ZFR2: variants seen among roughly 807,000 people sequenced by gnomAD.
ZFR2 encodes the protein zinc finger RNA-binding protein 2.
In ZFR2, 104 loss-of-function variants were observed where a neutral mutation model predicts 105.7. The ratio of observed to expected loss-of-function variants is 0.98; its 90% CI spans 0.84 to 1.16. The LOEUF is 1.16. ZFR2 is among the 50% of genes most tolerant of loss of function. ZFR2 has a pLI of 0.00. For missense variants in ZFR2, 1,425 were observed against 1,355.5 expected, an observed-to-expected ratio of 1.05 and a Z score of -0.80; for synonymous variants, 634 against 597.7, an observed-to-expected ratio of 1.06 and a Z score of -0.89.
Position 3,817,253 on chromosome 19 carries a change from G to A in ZFR2, c.1932-408C>T, listed in dbSNP as rs112737474. Among the ~76,000 whole-genome samples the A allele has an allele frequency of 3.7e-3, 557 of 152,040 alleles. 7 individuals are homozygous for A. The highest frequency in any genetic ancestry group is 0.013 in the African/African-American group (534 of 41,454). The stretch of plus-strand genomic sequence containing the variant: ...GCTGCTTTCTGCTCTTGCTTCACGG[G>A]GGTTAAGAAAATTCACAAACCTAGG... On this transcript the variant is annotated intron_variant, in intron 12 of 18. Transcript: ENST00000262961.
rs757197663 is a variant in ZFR2, at chr19:3,834,786, A to G, written c.251T>C (p.Met84Thr). The change falls in exon 2 of 19, where the codon ATG becomes ACG. Residue 84 changes from methionine (M) to threonine (T), a missense_variant. Physicochemically the swap from Met to Thr is moderately conservative, Grantham distance 81. Transcript: ENST00000262961. This position sits in a 1 kb window ranked among gnomAD's most constrained non-coding sequence, Gnocchi z 5.3. The stretch of plus-strand genomic sequence containing the variant: ...AGGACTGGATACCTGGTAGGTAGCC[A>G]TGGTGGTGGCCGTGGGGACGGGCTC... ...PQEPVPTATT[M>T]ATYQDSYSYG... 1.9e-6 allele frequency: 3 copies of G among 1,612,162 alleles called. No homozygotes were observed. In the South Asian group the frequency reaches 3.3e-5, roughly 18 times the overall value.
intron 6 of ZFR2, 149 bp from the exon 7 acceptor site, chr19:3,825,556 C>T: frequency 9.3e-7 from 1 of 1,073,172 alleles, no homozygotes; most frequent in East Asian, 2.8e-5. Context: ...CTCCTGCTCT[C>T]TGGATAACAC....
intron 11 of ZFR2, 28 bp downstream of exon 11, chr19:3,820,154 G>A (rs1029210667): frequency 5.2e-6 from 8 of 1,548,942 alleles, no homozygotes; most frequent in African/African-American, 2.7e-5. Flanking sequence ...GGTCGCCCGC[G>A]TTTGCACACA....
chr19:3,831,152 C>T (rs950685207), intron 5 of ZFR2, 151 bp downstream of exon 5: 10 of 1,155,236 alleles, frequency 8.7e-6, no homozygotes, highest in African/African-American at 7.8e-5. Context: ...AGCGCTTGCA[C>T]ACACAGGCCA....
At chr19:3,857,928 T>C (rs182117095) in intron 1 of ZFR2, among the ~76,000 whole-genome samples, 126 of 152,190 alleles carry the variant, frequency 8.3e-4, no homozygotes, top group Non-Finnish European at 1.2e-3. Context: ...GAGCCCAGGC[T>C]AACATGGACT....
chr19:3,839,758 A>G (rs2038117262), intron 1 of ZFR2, among the ~76,000 whole-genome samples: 2 of 152,010 alleles, frequency 1.3e-5, no homozygotes, highest in South Asian at 2.1e-4. Context: ...TTGAAGCACC[A>G]CCTGGATCCT....
chr19:3,830,697 T>C (rs2038002512), intron 5 of ZFR2, among the ~76,000 whole-genome samples: 1 of 152,090 alleles, frequency 6.6e-6, no homozygotes. Flanking sequence ...AGAGCTTCCT[T>C]TCAGAGTATT....
intron 1 of ZFR2, 54 bp downstream of exon 1, chr19:3,868,911 C>G (rs1360830857): frequency 1.6e-6 from 2 of 1,238,190 alleles, no homozygotes; most frequent in Non-Finnish European, 1.0e-6. Context: ...GGCGGGGTCC[C>G]GGCCAGGCTG....
chr19:3,809,438 G>A (rs1347948122), intron 16 of ZFR2, among the ~76,000 whole-genome samples: 6 of 152,084 alleles, frequency 3.9e-5, no homozygotes, highest in African/African-American at 1.4e-4. Flanking sequence ...ATCCCACCAC[G>A]TCCCCCCTGT....
intron 5 of ZFR2, among the ~76,000 whole-genome samples, chr19:3,830,140 A>G (rs1329272581): frequency 7.7e-6 from 1 of 129,290 alleles, no homozygotes; most frequent in Non-Finnish European, 1.7e-5. Context: ...TATCTACAAA[A>G]AAATTTTTTT....
intron 1 of ZFR2, among the ~76,000 whole-genome samples, chr19:3,862,708 G>A (rs537303579): frequency 5.3e-5 from 8 of 152,352 alleles, no homozygotes; most frequent in Non-Finnish European, 1.2e-4. Context: ...CCTGTCATTT[G>A]AAAAGGTTTC....
At chr19:3,853,911 C>A (rs1487597403) in intron 1 of ZFR2, among the ~76,000 whole-genome samples, 2 of 151,156 alleles carry the variant, frequency 1.3e-5, no homozygotes, top group African/African-American at 4.9e-5. Flanking sequence ...CCCGCCTCTA[C>A]AAAGTCTCTA....
rs145736391 is a variant in ZFR2, at chr19:3,818,979, C to T, written c.1931+66G>A. 761 of 1,547,090 alleles carry T rather than the reference C, an allele frequency of 4.9e-4. 3 individuals carry two copies. The African/African-American group carries it at 9.4e-3, about 19-fold the overall frequency. On this transcript the variant is annotated intron_variant, in intron 12 of 18. Transcript: ENST00000262961. ...AGAGCTAGGGGTTCCTGCAGGGTCT[C>T]GTCCCGAGGAGCTGACCTCTGTCCT...
chr19:3,819,049 G>A lies in ZFR2; in HGVS notation c.1927C>T (p.Arg643Cys), dbSNP rs778103708. Residue 643 changes from arginine to cysteine, a missense_variant, in exon 12 of 19, where the codon CGC (arginine) becomes TGC (cysteine). By Grantham distance (180) the Arg-to-Cys change is radical. Transcript: ENST00000262961. ...RGRREEEGDK[R>C]SSVAPQTRVL... The stretch of plus-strand genomic sequence containing the variant: ...GGGAAGGGGATCTCCAATGACCTGC[G>A]CTTGTCACCCTCTTCCTCTCGGCGG... 2.4e-5 allele frequency: 39 copies of A among 1,612,038 alleles called. No individual in the cohort carries two copies. Among genetic ancestry groups the A allele is most frequent in the Middle Eastern group, 1.8e-4 (1 of 5,636 alleles).
intron 12 of ZFR2, 49 bp downstream of exon 12, chr19:3,818,996 C>G: frequency 1.3e-6 from 2 of 1,586,138 alleles, no homozygotes; most frequent in Non-Finnish European, 1.7e-6. Context: ...AGGAGCTGAC[C>G]TCTGTCCTGG....
At position 3,833,803 on chromosome 19, in the gene ZFR2, GAGAC is replaced by G. The variant is rs2038046781; in HGVS notation, c.265-29_265-26del. The G allele has an allele frequency of 1.9e-6, 3 of 1,545,082 alleles. No homozygotes were observed. The African/African-American group carries it at 4.1e-5, about 21-fold the overall frequency. On this transcript the variant is annotated intron_variant, in intron 2 of 18. Transcript: ENST00000262961. ...CCTATGTGGGGGTTTCGGCAGGAGAGAGACAGAGAACGGAGGAGAGCAGCTCAGG... is the reference window on the plus strand; with the variant it reads ...CCTATGTGGGGGTTTCGGCAGGAGAGAGAGAACGGAGGAGAGCAGCTCAGG...
chr19:3,835,790 A>G (rs1337511278), intron 1 of ZFR2, among the ~76,000 whole-genome samples: 1 of 151,598 alleles, frequency 6.6e-6, no homozygotes, highest in Non-Finnish European at 1.5e-5. Flanking sequence ...ACCAAAATTA[A>G]AAAAAAACAA....
At chr19:3,868,868 C>A in intron 1 of ZFR2, 97 bp downstream of exon 1, 1 of 1,035,720 alleles carries the variant, frequency 9.7e-7, no homozygotes, top group Non-Finnish European at 1.3e-6. Flanking sequence ...GGGACTGGGG[C>A]CGGGCCGGGC....
chr19:3,810,402 C>T (rs1307858629), intron 16 of ZFR2, among the ~76,000 whole-genome samples: 2 of 152,220 alleles, frequency 1.3e-5, no homozygotes, highest in African/African-American at 4.8e-5. Flanking sequence ...TGGGCTGGGT[C>T]ACCCAGAGGC....
Sources: allele counts gnomAD v4.1 joint callset (sites outside exome capture counted in the v4.1 genomes callset), GRCh38; gene constraint gnomAD v4.1.1; non-coding constraint Gnocchi (gnomAD v3.1); transcripts MANE v1.5; gene names NCBI Gene and HGNC (gene_info 2026-07-23, HGNC 2026-07-21).